The following SHANK2 variants were observed in gnomAD, a reference collection of about 807,000 sequenced individuals.
The protein encoded by SHANK2 is SH3 and multiple ankyrin repeat domains protein 2.
A neutral mutation model predicts 133.7 loss-of-function variants in SHANK2; 43 were observed. The observed-to-expected ratio is 0.32, with a 90% confidence interval of 0.25 to 0.41. The LOEUF is 0.41. Ranked by LOEUF, SHANK2 falls within the 10% of genes least tolerant of loss-of-function variation. The probability of loss-of-function intolerance (pLI) is 1.00; values close to 1 mark genes in which losing one functional copy is unlikely to be tolerated. For missense variants in SHANK2, 1,994 were observed against 2,235.8 expected (o/e 0.89, Z 2.18); for synonymous variants, 1,017 against 952.8 (o/e 1.07, Z -1.24).
Position 70,479,146 on chromosome 11 carries a change from C to T in SHANK2, c.4980-5707G>A, listed in dbSNP as rs1334602567. ...GCACATCCTGACTAGTGCTCCCAGC[C>T]ACCCACAGTCGCATTCACTGATGTC... On this transcript the variant is annotated intron_variant, in intron 25 of 25. Transcript: ENST00000601538. The surrounding 1 kb of genome is among the most constrained non-coding windows in gnomAD (Gnocchi z 4.4). 6.6e-6 allele frequency among the ~76,000 whole-genome samples: 1 copy of T among 152,202 alleles called. No homozygotes were observed. Among genetic ancestry groups the T allele is most frequent in the East Asian group, 1.9e-4 (1 of 5,190 alleles).
intron 14 of SHANK2, among the ~76,000 whole-genome samples, chr11:70,723,687 A>G (rs1312010454): frequency 1.3e-5 from 2 of 152,188 alleles, no homozygotes; most frequent in Non-Finnish European, 2.9e-5. Context: ...TGACTAATCA[A>G]GTCCCACACT....
intron 17 of SHANK2, among the ~76,000 whole-genome samples, chr11:70,593,088 G>A (rs1554988462): frequency 6.6e-6 from 1 of 152,190 alleles, no homozygotes; most frequent in African/African-American, 2.4e-5. Context: ...GAAGGCCTGT[G>A]GCTGCCCCTG....
chr11:70,671,247 T>A (rs1251896474), intron 15 of SHANK2, among the ~76,000 whole-genome samples: 1 of 151,816 alleles, frequency 6.6e-6, no homozygotes, highest in Non-Finnish European at 1.5e-5. Context: ...TGATCAGCGC[T>A]CCCTGCCGAG....
chr11:70,892,770 G>A (rs1345105700), intron 11 of SHANK2, among the ~76,000 whole-genome samples: 2 of 152,092 alleles, frequency 1.3e-5, no homozygotes, highest in African/African-American at 4.8e-5. Context: ...CCCTGATGGG[G>A]GTCTTGGTAC....
At chr11:70,680,842 C>G (rs1022793451) in intron 15 of SHANK2, among the ~76,000 whole-genome samples, 1 of 152,182 alleles carries the variant, frequency 6.6e-6, no homozygotes, top group Non-Finnish European at 1.5e-5. Context: ...ACTGCAGGCA[C>G]CGTCCTCCTT....
chr11:71,156,940 T>A (rs1228099326), intron 2 of SHANK2, among the ~76,000 whole-genome samples: 2 of 152,276 alleles, frequency 1.3e-5, no homozygotes, highest in South Asian at 4.1e-4. Context: ...CTACAATGCA[T>A]GGCCCACTGA....
intron 25 of SHANK2, among the ~76,000 whole-genome samples, chr11:70,483,253 C>T (rs1051038345): frequency 2.6e-5 from 4 of 152,142 alleles, no homozygotes; most frequent in African/African-American, 9.7e-5. Flanking sequence ...ATACCTGCTC[C>T]CCAGTTGTCA....
rs782112612 is a variant in SHANK2 at position 70,485,562 on chromosome 11, G to T, written c.4731C>A (p.Ile1577=). 3 of 1,613,280 alleles carry T rather than the reference G, an allele frequency of 1.9e-6. No homozygotes were observed. ...GCGGGGGCGGGGGAGCGGGCGGGGG[G>T]ATAACAAAGCTATCTACATCTTCTT... ...LVEEDVDSFV[I]PPPAPPPPPG... The change falls in exon 25 of 26, where the codon ATC becomes ATA. Residue 1577 remains isoleucine, a synonymous_variant. Transcript: ENST00000601538. The surrounding 1 kb of genome is among the most constrained non-coding windows in gnomAD (Gnocchi z 5.8).
chr11:70,701,181 T>C (rs1945510740), intron 14 of SHANK2, among the ~76,000 whole-genome samples: 1 of 152,078 alleles, frequency 6.6e-6, no homozygotes, highest in Non-Finnish European at 1.5e-5. Context: ...TGTGTGTGTG[T>C]GTATTTACCA....
rs139889702 is a variant in SHANK2, at chr11:70,554,532, T to C, written c.2062-51601A>G. ...ATTGCACTGCACAGAAAGTTCAGAG[T>C]TCCCAGATTCCCTCTCCTCCCCCCT... On this transcript the variant is annotated intron_variant, in intron 17 of 25. Transcript: ENST00000601538. 1.8e-3 allele frequency among the ~76,000 whole-genome samples: 267 copies of C among 152,110 alleles called. 2 individuals are homozygous for C. Among genetic ancestry groups the C allele is most frequent in the African/African-American group, 6.0e-3 (249 of 41,478 alleles).
At chr11:71,192,982 A>G (rs1258431503) in intron 2 of SHANK2, among the ~76,000 whole-genome samples, 4 of 152,314 alleles carry the variant, frequency 2.6e-5, no homozygotes, top group African/African-American at 9.6e-5. Context: ...GAGTTGGTAC[A>G]GCTTACTCTT....
intron 2 of SHANK2, among the ~76,000 whole-genome samples, chr11:71,192,023 G>A (rs868918628): frequency 6.6e-6 from 1 of 151,792 alleles, no homozygotes; most frequent in Non-Finnish European, 1.5e-5. Context: ...ACCATACCTG[G>A]ATAATTTTTG....
intron 12 of SHANK2, among the ~76,000 whole-genome samples, chr11:70,818,113 A>C (rs2015997): frequency 0.23 from 34,928 of 152,094 alleles, 6,530 homozygotes; most frequent in African/African-American, 0.51. Context: ...ATGGTACAGT[A>C]CAGAAGCGTG....
intron 15 of SHANK2, among the ~76,000 whole-genome samples, chr11:70,690,144 T>A (rs1945244893): frequency 6.6e-6 from 1 of 151,670 alleles, no homozygotes; most frequent in Non-Finnish European, 1.5e-5. Context: ...AGAGCTGGAG[T>A]TCAAATTGGA....
chr11:71,201,970 C>T (rs1351404520), intron 2 of SHANK2, among the ~76,000 whole-genome samples: 2 of 152,242 alleles, frequency 1.3e-5, no homozygotes, highest in Non-Finnish European at 2.9e-5. Context: ...CCCTGTTCTA[C>T]AGGATACCGA....
intron 2 of SHANK2, among the ~76,000 whole-genome samples, chr11:71,163,772 C>T (rs1167854608): frequency 1.3e-5 from 2 of 152,310 alleles, no homozygotes; most frequent in South Asian, 2.1e-4. Flanking sequence ...GAGTGAAATT[C>T]GGATCAATTC....
chr11:70,764,477 T>A lies in SHANK2; in HGVS notation c.1777+33966A>T, dbSNP rs1158644283. 2.8e-5 allele frequency among the ~76,000 whole-genome samples: 4 copies of A among 142,520 alleles called. No homozygotes were observed. In the Admixed American group the frequency reaches 2.8e-4, roughly 10 times the overall value. 93.5% of individuals were successfully genotyped at this position (142,520 alleles called of 152,430 possible). On this transcript the variant is annotated intron_variant, in intron 14 of 25. Transcript: ENST00000601538. ...ATCCATCCATCCATTCACACATCAA[T>A]CGATCCTTTATCCCTCCCTCCCCTC...
intron 1 of SHANK2, among the ~76,000 whole-genome samples, chr11:71,242,967 A>G (rs1434916775): frequency 6.6e-6 from 1 of 152,284 alleles, no homozygotes; most frequent in Non-Finnish European, 1.5e-5. Context: ...TAAATAGCCA[A>G]TGGGTCAGAG....
rs1423804982 is a variant in SHANK2, at chr11:70,910,876, T to C, written c.1108-14309A>G. ...ACACTGCCAAACTGGATAACACAATTGTTTACATGTTGCTTGGTGGTGCGT... is the reference window on the plus strand; with the variant it reads ...ACACTGCCAAACTGGATAACACAATCGTTTACATGTTGCTTGGTGGTGCGT... On this transcript the variant is annotated intron_variant, in intron 10 of 25. Coordinates refer to ENST00000601538, the MANE Select transcript of SHANK2 (RefSeq NM_012309.5). 7.0e-6 allele frequency: 3 copies of C among 426,176 alleles called. No homozygotes were observed. In the East Asian group the frequency reaches 2.2e-4, roughly 31 times the overall value. The allele number at this position is 426,176 out of a possible 1,614,324, so 26.4% of individuals were successfully genotyped here. A position where few individuals can be genotyped will look rare whatever the true frequency, so the allele number is the denominator to read the frequency against.
Sources: allele counts gnomAD v4.1 joint callset (sites outside exome capture counted in the v4.1 genomes callset), GRCh38; gene constraint gnomAD v4.1.1; non-coding constraint Gnocchi (gnomAD v3.1); transcripts MANE v1.5; gene names NCBI Gene and HGNC (gene_info 2026-07-23, HGNC 2026-07-21).